DLG2: variants seen among roughly 807,000 people sequenced by gnomAD.
The protein encoded by DLG2 is discs large MAGUK scaffold protein 2.
In DLG2, 45 loss-of-function variants were observed where a neutral mutation model predicts 132.5. That is an observed-to-expected ratio of 0.34 (90% CI 0.27 to 0.44). The LOEUF is 0.44. Ranked by LOEUF, DLG2 falls within the 20% of genes least tolerant of loss-of-function variation. The pLI is 1.00. For missense variants in DLG2, 1,045 were observed against 1,196.9 expected (o/e 0.87, Z 1.87); for synonymous variants, 424 against 419.6 (o/e 1.01, Z -0.13).
chr11:84,736,453 T>C (rs2063842689), intron 6 of DLG2, among the ~76,000 whole-genome samples: 1 of 151,980 alleles, frequency 6.6e-6, no homozygotes, highest in Admixed American at 6.6e-5. Context: ...TGGAATTGTG[T>C]TGAATCTTTA....
At chr11:84,221,766 T>TTAC (rs1473430043) in intron 8 of DLG2, among the ~76,000 whole-genome samples, 2 of 152,168 alleles carry the variant, frequency 1.3e-5, no homozygotes, top group African/African-American at 2.4e-5. Context: ...TCTTTGCTTA[T>TTAC]CCACAGTGAC....
At chr11:84,343,972 GA>G (rs1352506992) in intron 7 of DLG2, among the ~76,000 whole-genome samples, 1 of 152,080 alleles carries the variant, frequency 6.6e-6, no homozygotes, top group Non-Finnish European at 1.5e-5. Flanking sequence ...TCCTCTTGAA[GA>G]AAGAAAATGA....
chr11:83,617,757 AT>A (rs535064293), intron 19 of DLG2, among the ~76,000 whole-genome samples: 121 of 152,220 alleles, frequency 7.9e-4, no homozygotes, highest in African/African-American at 2.5e-3. Flanking sequence ...CACACCTGTA[AT>A]CCCAGCACTT....
chr11:84,205,825 G>T (rs1566926679), intron 8 of DLG2, among the ~76,000 whole-genome samples: 1 of 151,880 alleles, frequency 6.6e-6, no homozygotes, highest in East Asian at 1.9e-4. Flanking sequence ...GTAACTAAAA[G>T]AAAATAATGA....
intron 7 of DLG2, among the ~76,000 whole-genome samples, chr11:84,319,217 C>T (rs183960766): frequency 2.6e-5 from 4 of 152,254 alleles, no homozygotes; most frequent in African/African-American, 9.6e-5. Context: ...CTTTCCCTCC[C>T]TCCCCCCTTT....
chr11:85,501,517 C>A (rs1477713071), intron 3 of DLG2, among the ~76,000 whole-genome samples: 1 of 152,070 alleles, frequency 6.6e-6, no homozygotes, highest in Non-Finnish European at 1.5e-5. Context: ...TGCAATCTAT[C>A]CATCTGACAA....
intron 7 of DLG2, among the ~76,000 whole-genome samples, chr11:84,415,089 G>T (rs754705172): frequency 1.3e-5 from 2 of 152,110 alleles, no homozygotes; most frequent in African/African-American, 4.8e-5. Flanking sequence ...ATTATGCAAT[G>T]TGCACTATTA....
chr11:83,483,297 T>C (rs2093274978), intron 22 of DLG2: 1 of 1,612,518 alleles, frequency 6.2e-7, no homozygotes, highest in African/African-American at 1.3e-5. Flanking sequence ...TCCGGGGATG[T>C]CCTGCATGGA....
intron 11 of DLG2, among the ~76,000 whole-genome samples, chr11:84,010,847 C>G (rs769716518): frequency 6.6e-6 from 1 of 152,030 alleles, no homozygotes; most frequent in Non-Finnish European, 1.5e-5. Flanking sequence ...GCTGAAGTCT[C>G]GAGTCGATCA....
In DLG2 at chr11:84,539,629, C is replaced by T. The variant is rs113173787; in HGVS notation, c.358-4898G>A. On this transcript the variant is annotated intron_variant, in intron 6 of 27. Transcript: ENST00000376104. ...CATCGGTAGCTTGATGGGGATGGCA[C>T]TGAATCTATAAATTACCTTGGGCAG... Among the ~76,000 whole-genome samples, 27 of 152,256 alleles carry T rather than the reference C, an allele frequency of 1.8e-4. 1 individual carries two copies. Among genetic ancestry groups the T allele is most frequent in the African/African-American group, 6.3e-4 (26 of 41,550 alleles).
At chr11:85,187,021 T>C (rs959601395) in intron 4 of DLG2, among the ~76,000 whole-genome samples, 10 of 152,152 alleles carry the variant, frequency 6.6e-5, no homozygotes, top group African/African-American at 2.4e-4. Context: ...GACACCACAC[T>C]GAATATTACT....
intron 18 of DLG2, among the ~76,000 whole-genome samples, chr11:83,724,476 TGAGA>T (rs59782952): frequency 0.036 from 4,209 of 118,098 alleles, 101 homozygotes; most frequent in East Asian, 0.1. Flanking sequence ...TGTGTGTGTG[TGAGA>T]GAGAGAGAGA....
intron 6 of DLG2, among the ~76,000 whole-genome samples, chr11:84,646,807 T>G (rs1471230696): frequency 1.3e-5 from 2 of 152,200 alleles, no homozygotes; most frequent in Non-Finnish European, 2.9e-5. Flanking sequence ...AAACCTTTAC[T>G]GCATGCACAT....
intron 6 of DLG2, among the ~76,000 whole-genome samples, chr11:85,056,068 A>G (rs1236508785): frequency 2.6e-5 from 4 of 152,122 alleles, no homozygotes; most frequent in African/African-American, 4.8e-5. Context: ...TTTCATATAT[A>G]ATAACTGTCA....
chr11:84,275,187 A>G (rs1342634709), intron 7 of DLG2, among the ~76,000 whole-genome samples: 1 of 152,128 alleles, frequency 6.6e-6, no homozygotes, highest in South Asian at 2.1e-4. Flanking sequence ...TCTTTCCTTT[A>G]AAGAGCATGT....
chr11:84,480,056 G>A (rs1160212690), intron 7 of DLG2, among the ~76,000 whole-genome samples: 1 of 152,048 alleles, frequency 6.6e-6, no homozygotes, highest in Non-Finnish European at 1.5e-5. Flanking sequence ...CTTAAGAAAT[G>A]TTTTGCTTAC....
At chr11:84,327,878 G>A (rs192065360) in intron 7 of DLG2, among the ~76,000 whole-genome samples, 37 of 152,250 alleles carry the variant, frequency 2.4e-4, no homozygotes, top group African/African-American at 8.9e-4. Flanking sequence ...TTGTGAATGA[G>A]GCATAAATAT....
At chr11:84,778,080 GT>G in intron 6 of DLG2, among the ~76,000 whole-genome samples, 1 of 152,142 alleles carries the variant, frequency 6.6e-6, no homozygotes, top group East Asian at 1.9e-4. Flanking sequence ...CATTTTTATA[GT>G]TTCAGGTCTT....
chr11:84,065,356 C>G (rs1264284953), intron 10 of DLG2, among the ~76,000 whole-genome samples: 2 of 151,906 alleles, frequency 1.3e-5, no homozygotes, highest in Non-Finnish European at 2.9e-5. Context: ...CTATAAGGAA[C>G]TTAAATTTAC....
Sources: allele counts gnomAD v4.1 joint callset (sites outside exome capture counted in the v4.1 genomes callset), GRCh38; gene constraint gnomAD v4.1.1; transcripts MANE v1.5; gene names NCBI Gene and HGNC (gene_info 2026-07-23, HGNC 2026-07-21).